Variants in CDH2 observed in about 807,000 individuals in gnomAD.
CDH2 encodes cadherin 2.
CDH2 carries 17 observed loss-of-function variants against 92.0 expected under a neutral mutation model. The ratio of observed to expected loss-of-function variants is 0.18; its 90% CI spans 0.13 to 0.28. CDH2 has a LOEUF of 0.28. Ranked by LOEUF, CDH2 falls within the 10% of genes least tolerant of loss-of-function variation. The pLI is 1.00. For missense variants in CDH2, 862 were observed against 1,133.1 expected (o/e 0.76, Z 3.44); for synonymous variants, 419 against 415.9 (o/e 1.01, Z -0.09).
At chr18:28,008,967 C>T (rs548633291) in intron 5 of CDH2, among the ~76,000 whole-genome samples, 1 of 152,086 alleles carries the variant, frequency 6.6e-6, no homozygotes, top group South Asian at 2.1e-4. Context: ...AAGTGGGTCT[C>T]TCCTTTTATT....
intron 2 of CDH2, among the ~76,000 whole-genome samples, chr18:28,136,760 C>G (rs952085120): frequency 5.3e-5 from 8 of 152,116 alleles, no homozygotes; most frequent in African/African-American, 1.7e-4. Flanking sequence ...TGAAGATAAT[C>G]TGTATTTCTG....
intron 2 of CDH2, among the ~76,000 whole-genome samples, chr18:28,099,543 T>C (rs747841287): frequency 2.3e-4 from 35 of 152,102 alleles, no homozygotes; most frequent in Non-Finnish European, 4.0e-4. Context: ...AAATATAAAA[T>C]GTTATAACTA....
At chr18:27,933,886 G>GCTAATATA (rs1218007982) in intron 6 of CDH2, among the ~76,000 whole-genome samples, 1 of 152,166 alleles carries the variant, frequency 6.6e-6, no homozygotes, top group Non-Finnish European at 1.5e-5. Flanking sequence ...TGACTTGAAG[G>GCTAATATA]CCATGGTATA....
chr18:28,060,564 A>T (rs1207537187), intron 2 of CDH2, among the ~76,000 whole-genome samples: 2 of 152,192 alleles, frequency 1.3e-5, no homozygotes, highest in African/African-American at 4.8e-5. Context: ...AAGTACAGTC[A>T]TTCTAGAAAA....
At chr18:27,959,728 C>T (rs578239713) in intron 15 of CDH2, among the ~76,000 whole-genome samples, 1 of 152,250 alleles carries the variant, frequency 6.6e-6, no homozygotes, top group Non-Finnish European at 1.5e-5. Context: ...TTAAAACTAT[C>T]GTTTTGATTG....
intron 15 of CDH2, among the ~76,000 whole-genome samples, chr18:27,961,724 A>G (rs1173154148): frequency 6.6e-6 from 1 of 152,190 alleles, no homozygotes; most frequent in Admixed American, 6.5e-5. Flanking sequence ...AAATCCACAG[A>G]ACACTGGTAC....
intron 2 of CDH2, among the ~76,000 whole-genome samples, chr18:28,094,100 T>C (rs546076436): frequency 4.6e-5 from 7 of 152,230 alleles, no homozygotes; most frequent in Admixed American, 4.6e-4. Context: ...TTCTACAATT[T>C]TGAAATAATC....
chr18:28,147,562 G>A, intron 2 of CDH2, 111 bp downstream of exon 2: 1 of 599,892 alleles, frequency 1.7e-6, no homozygotes, highest in Non-Finnish European at 2.9e-6. Context: ...CATAGTGATT[G>A]TGAAAAATTC....
chr18:28,012,878 A>C (rs1245970043), intron 3 of CDH2, among the ~76,000 whole-genome samples: 1 of 152,182 alleles, frequency 6.6e-6, no homozygotes, highest in Non-Finnish European at 1.5e-5. Context: ...TAAATACCAG[A>C]AATGAATGTG....
intron 2 of CDH2, among the ~76,000 whole-genome samples, chr18:28,049,075 A>G (rs1599061863): frequency 1.3e-5 from 2 of 152,220 alleles, no homozygotes; most frequent in East Asian, 3.9e-4. Context: ...GGAGGAATAC[A>G]CAGTGATTTT....
rs2014060333 is a variant in CDH2 at position 28,045,653 on chromosome 18, C to T, written c.173-31744G>A. On this transcript the variant is annotated intron_variant, in intron 2 of 15. Coordinates refer to ENST00000269141, the MANE Select transcript of CDH2 (RefSeq NM_001792.5). ...TAAGGGTCATTTCCTTTATGACGTC[C>T]CAGCAGACAAAGCCCTCCCCCACAT... 5 of 283,106 alleles carry T rather than the reference C, an allele frequency of 1.8e-5. No individual in the cohort carries two copies. The Admixed American group carries it at 2.0e-4, about 11-fold the overall frequency. The allele number at this position is 283,106 out of a possible 1,614,324, so 17.5% of individuals were successfully genotyped here.
intron 2 of CDH2, among the ~76,000 whole-genome samples, chr18:28,082,902 C>A (rs2014858484): frequency 6.6e-6 from 1 of 152,142 alleles, no homozygotes; most frequent in Non-Finnish European, 1.5e-5. Flanking sequence ...AAGGTTCTTT[C>A]CCACCCTCCT....
At chr18:28,115,068 C>A (rs997707110) in intron 2 of CDH2, among the ~76,000 whole-genome samples, 3 of 152,146 alleles carry the variant, frequency 2.0e-5, no homozygotes, top group African/African-American at 7.2e-5. Flanking sequence ...GAGAACGTTT[C>A]TTGCCTACAG....
chr18:27,950,714 T>C (rs1451031037), downstream of CDH2, among the ~76,000 whole-genome samples: 1 of 152,080 alleles, frequency 6.6e-6, no homozygotes, highest in African/African-American at 2.4e-5. Flanking sequence ...TCACTGAAGG[T>C]AAAGGATGTG....
intron 2 of CDH2, among the ~76,000 whole-genome samples, chr18:28,038,074 G>A (rs1344970958): frequency 6.6e-6 from 1 of 152,108 alleles, no homozygotes; most frequent in Non-Finnish European, 1.5e-5. Flanking sequence ...CCTCAAGGAG[G>A]AAACAGTTTT....
At chr18:27,959,617 G>A (rs2011344805) in intron 15 of CDH2, 1 of 152,192 alleles carries the variant, frequency 6.6e-6, no homozygotes, top group Non-Finnish European at 1.5e-5. Context: ...GGATGAAAGA[G>A]TCTAGATGGT....
chr18:28,043,932 A>G (rs1404559521), intron 2 of CDH2, among the ~76,000 whole-genome samples: 1 of 110,438 alleles, frequency 9.1e-6, no homozygotes, highest in African/African-American at 3.3e-5. Context: ...TTGGAGACAG[A>G]GTACTTCTCT....
chr18:28,124,500 A>G (rs1433443219), intron 2 of CDH2, among the ~76,000 whole-genome samples: 1 of 152,152 alleles, frequency 6.6e-6, no homozygotes, highest in Non-Finnish European at 1.5e-5. Flanking sequence ...CAATTTTAAA[A>G]CAAACAAAAA....
Position 28,009,868 on chromosome 18 carries a change from C to CCTG in CDH2, c.550_551insCAG (p.Arg184delinsThrGly). 6.2e-7 allele frequency: 1 copy of CCTG among 1,607,028 alleles called. No individual in the cohort carries two copies. Among genetic ancestry groups the CCTG allele is most frequent in the Non-Finnish European group, 8.5e-7 (1 of 1,176,362 alleles). On this transcript the variant is annotated protein_altering_variant, in exon 5 of 16. Coordinates refer to ENST00000269141, the MANE Select transcript of CDH2 (RefSeq NM_001792.5). ...TGAAAGGTTTTTATCTCTATCAGAC[C>CCTG]TGATCTGAGGATCAAGAAAACAATG...
Sources: gnomAD v4.1 joint callset for allele counts (sites outside exome capture counted in the v4.1 genomes callset) on GRCh38, gnomAD v4.1.1 for gene constraint, MANE v1.5 for transcripts, NCBI Gene and HGNC (gene_info 2026-07-23, HGNC 2026-07-21) for gene names.